The following MOB1B variants were observed in gnomAD, a reference collection of about 807,000 sequenced individuals.
MOB1B encodes MOB kinase activator 1B.
MOB1B carries 19 observed loss-of-function variants against 24.4 expected under a neutral mutation model. The observed-to-expected ratio is 0.78, with a 90% CI of 0.54 to 1.14. MOB1B has a LOEUF of 1.14. Among genes scored for constraint, MOB1B ranks in the 50% most tolerant of loss-of-function variants. The pLI is 0.00. For missense variants in MOB1B, 243 were observed against 259.6 expected (o/e 0.94, Z 0.44); for synonymous variants, 76 against 82.1 (o/e 0.93, Z 0.40).
At chr4:70,902,578 G>C (rs1560622777) in intron 1 of MOB1B, 28 bp downstream of exon 1, 1 of 1,544,794 alleles carries the variant, frequency 6.5e-7, no homozygotes, top group Non-Finnish European at 8.7e-7. Flanking sequence ...GCACGCGCCG[G>C]CTTTGTTCGG....
At chr4:70,909,397 C>T (rs958876251) in intron 1 of MOB1B, among the ~76,000 whole-genome samples, 7 of 151,894 alleles carry the variant, frequency 4.6e-5, no homozygotes, top group Admixed American at 1.3e-4. Flanking sequence ...AATCCCAGCA[C>T]GTTGGGAGGC....
In MOB1B at chr4:70,903,974, C is replaced by CTTTTTTTTTTTTTTT. The variant is rs754257097; in HGVS notation, c.14+1434_14+1448dup. ...AAAGTCCTTGTTTCTTATTTTAGTTCTTTTTTTTTTTTTTTTTTTTTTTTG... is the reference window on the plus strand; with the variant it reads ...AAAGTCCTTGTTTCTTATTTTAGTTCTTTTTTTTTTTTTTTTTTTTTTTTTTTTTTTTTTTTTTTG... On this transcript the variant is annotated intron_variant, in intron 1 of 5. Transcript: ENST00000309395. 5.6e-4 allele frequency among the ~76,000 whole-genome samples: 45 copies of CTTTTTTTTTTTTTTT among 81,006 alleles called. 1 individual carries two copies. The highest frequency in any genetic ancestry group is 1.3e-3 in the East Asian group (3 of 2,266). 53.1% of individuals were successfully genotyped at this position (81,006 alleles called of 152,430 possible).
intron 1 of MOB1B, among the ~76,000 whole-genome samples, chr4:70,953,750 C>T (rs1737908867): frequency 6.6e-6 from 1 of 152,088 alleles, no homozygotes; most frequent in Non-Finnish European, 1.5e-5. Context: ...TCGAGACTAG[C>T]CTGAACAACA....
intron 1 of MOB1B, among the ~76,000 whole-genome samples, chr4:70,920,252 CCTT>C (rs1736373301): frequency 6.6e-6 from 1 of 152,074 alleles, no homozygotes; most frequent in Non-Finnish European, 1.5e-5. Context: ...CTCTCCTCCT[CCTT>C]CTCATTCTCC....
intron 1 of MOB1B, among the ~76,000 whole-genome samples, chr4:70,926,509 A>G (rs763495499): frequency 5.9e-5 from 9 of 152,230 alleles, no homozygotes; most frequent in Non-Finnish European, 1.0e-4. Context: ...AGAGTCCTGT[A>G]TAAACACTGT....
At chr4:70,923,721 G>T (rs1212741678) in intron 1 of MOB1B, among the ~76,000 whole-genome samples, 1 of 151,862 alleles carries the variant, frequency 6.6e-6, no homozygotes, top group African/African-American at 2.4e-5. Context: ...AGGCCAAGGC[G>T]GGCGGATCAC....
chr4:70,925,811 A>G (rs562369982), intron 1 of MOB1B, among the ~76,000 whole-genome samples: 91 of 152,292 alleles, frequency 6.0e-4, no homozygotes, highest in African/African-American at 2.1e-3. Context: ...GAGATTCCCA[A>G]TAAGGGAGCC....
intron 1 of MOB1B, among the ~76,000 whole-genome samples, chr4:70,933,489 C>T (rs1030828525): frequency 1.3e-5 from 2 of 148,152 alleles, no homozygotes; most frequent in South Asian, 2.1e-4. Flanking sequence ...TCTTCATGTA[C>T]GTAGTTTAAT....
chr4:70,907,789 G>A (rs1428061421), intron 1 of MOB1B, among the ~76,000 whole-genome samples: 1 of 152,074 alleles, frequency 6.6e-6, no homozygotes, highest in Non-Finnish European at 1.5e-5. Flanking sequence ...CTCCAGCCTG[G>A]GTGACAGAGT....
In MOB1B at chr4:70,986,478, A is replaced by T. The variant is rs1435083388; in HGVS notation, c.*4421A>T. 1 of 152,112 alleles carries T rather than the reference A, an allele frequency of 6.6e-6. No individual in the cohort carries two copies. Among genetic ancestry groups the T allele is most frequent in the Non-Finnish European group, 1.5e-5 (1 of 67,976 alleles). The allele number at this position is 152,112 out of a possible 1,614,324, so 9.4% of individuals were successfully genotyped here. A position where few individuals can be genotyped will look rare whatever the true frequency, so the allele number is the denominator to read the frequency against. ...AAGATGTGGGACCAAAAATATATTT[A>T]TAATTTGGAAATGTGACTGCATACC... is the stretch of plus-strand genomic sequence containing the variant. On this transcript the variant is annotated 3_prime_UTR_variant, in exon 6 of 6. Coordinates refer to ENST00000309395, the MANE Select transcript of MOB1B (RefSeq NM_173468.4).
intron 2 of MOB1B, among the ~76,000 whole-genome samples, chr4:70,959,298 T>C (rs1261469039): frequency 6.6e-6 from 1 of 152,162 alleles, no homozygotes; most frequent in Non-Finnish European, 1.5e-5. Context: ...AGCCTTGAAC[T>C]CCTGGGCTCA....
intron 3 of MOB1B, among the ~76,000 whole-genome samples, chr4:70,974,008 G>C (rs1738876495): frequency 6.6e-6 from 1 of 152,186 alleles, no homozygotes; most frequent in Admixed American, 6.5e-5. Flanking sequence ...GGGTAGAATT[G>C]AATCAAAGGG....
chr4:70,963,401 GAGA>G (rs1050211999), intron 2 of MOB1B, among the ~76,000 whole-genome samples: 4 of 152,118 alleles, frequency 2.6e-5, no homozygotes, highest in African/African-American at 4.8e-5. Context: ...AACGTAAGGA[GAGA>G]AGAAGAATCA....
At chr4:70,910,799 T>G (rs1735949785) in intron 1 of MOB1B, among the ~76,000 whole-genome samples, 1 of 151,976 alleles carries the variant, frequency 6.6e-6, no homozygotes, top group African/African-American at 2.4e-5. Context: ...TTTTTTTTTT[T>G]GTTTTTTGAG....
chr4:70,976,388 T>C (rs1738997530), intron 4 of MOB1B: 1 of 985,086 alleles, frequency 1.0e-6, no homozygotes, highest in Non-Finnish European at 1.2e-6. Context: ...ACAATATGAA[T>C]CTTACAGATT....
At chr4:70,948,577 GTTA>G (rs1290802556) in intron 1 of MOB1B, among the ~76,000 whole-genome samples, 1 of 151,944 alleles carries the variant, frequency 6.6e-6, no homozygotes, top group Non-Finnish European at 1.5e-5. Context: ...TAGTGTCTCT[GTTA>G]TTTCTAAAGA....
In MOB1B at chr4:70,969,046, C is replaced by G. The variant is rs954058188; in HGVS notation, c.182-885C>G. ...TCAAATGTTTCATCTGTGTTTGCAT[C>G]TGTTTCTGTAACTGCCTAGGTCTCT... is the stretch of plus-strand genomic sequence containing the variant. On this transcript the variant is annotated intron_variant, in intron 2 of 5. Coordinates refer to ENST00000309395, the MANE Select transcript of MOB1B (RefSeq NM_173468.4). 9.2e-5 allele frequency among the ~76,000 whole-genome samples: 14 copies of G among 152,312 alleles called. 1 individual carries two copies. The highest frequency in any genetic ancestry group is 3.1e-4 in the African/African-American group (13 of 41,584).
chr4:70,964,913 A>G (rs1409784175), intron 2 of MOB1B, among the ~76,000 whole-genome samples: 1 of 151,294 alleles, frequency 6.6e-6, no homozygotes, highest in East Asian at 1.9e-4. Context: ...CTAGGCAACA[A>G]GAGTGAAACT....
chr4:70,936,202 C>T (rs944857505), intron 1 of MOB1B, among the ~76,000 whole-genome samples: 2 of 151,880 alleles, frequency 1.3e-5, no homozygotes, highest in Non-Finnish European at 2.9e-5. Flanking sequence ...CCATGTTGGC[C>T]AGGCTGTATT....
Sources: gnomAD v4.1 joint callset for allele counts (sites outside exome capture counted in the v4.1 genomes callset) on GRCh38, gnomAD v4.1.1 for gene constraint, MANE v1.5 for transcripts, NCBI Gene and HGNC (gene_info 2026-07-23, HGNC 2026-07-21) for gene names.